RGS20: variants seen among roughly 807,000 people sequenced by gnomAD.
The protein encoded by RGS20 is regulator of G protein signaling 20.
Under a neutral mutation model 33.6 loss-of-function variants are expected in RGS20, and 30 were observed. The observed-to-expected ratio is 0.89, with a 90% confidence interval of 0.67 to 1.21. The LOEUF (loss-of-function observed/expected upper bound fraction) is 1.21. Among genes scored for constraint, RGS20 ranks in the 50% most tolerant of loss-of-function variants. The probability of loss-of-function intolerance (pLI) is 0.00; values close to 1 mark genes in which losing one functional copy is unlikely to be tolerated. For synonymous variants in RGS20, 208 were observed against 197.9 expected (o/e 1.05, Z -0.43); for missense variants, 472 against 502.4 (o/e 0.94, Z 0.58).
At chr8:53,928,410 G>A (rs1813861876) in intron 2 of RGS20, among the ~76,000 whole-genome samples, 1 of 152,118 alleles carries the variant, frequency 6.6e-6, no homozygotes, top group Non-Finnish European at 1.5e-5. Flanking sequence ...TCCAGGAATA[G>A]CATGTATTTC....
chr8:53,909,751 G>A (rs1813304013), intron 2 of RGS20, among the ~76,000 whole-genome samples: 1 of 152,178 alleles, frequency 6.6e-6, no homozygotes, highest in East Asian at 1.9e-4. Context: ...CAGTGGGAAG[G>A]AATTGTTGTG....
In RGS20 at chr8:53,944,641, C is replaced by T. The variant is rs16919697; in HGVS notation, c.660-2024C>T. Among the ~76,000 whole-genome samples, 549 of 151,486 alleles carry T rather than the reference C, an allele frequency of 3.6e-3. 3 individuals are homozygous for T. Among genetic ancestry groups the T allele is most frequent in the African/African-American group, 0.013 (531 of 41,292 alleles). On this transcript the variant is annotated intron_variant, in intron 3 of 5. Transcript: ENST00000297313. ...ATTCTTCCTATTTGCAGATGAAACCCGAAGAGAATTATAGCTATAACTGAT... is the reference window on the plus strand; with the variant it reads ...ATTCTTCCTATTTGCAGATGAAACCTGAAGAGAATTATAGCTATAACTGAT...
chr8:53,891,094 A>G (rs1812698124), intron 2 of RGS20, among the ~76,000 whole-genome samples: 1 of 152,134 alleles, frequency 6.6e-6, no homozygotes, highest in Non-Finnish European at 1.5e-5. Context: ...CTTGTTACTG[A>G]AGGGGACTTG....
chr8:53,891,167 C>T (rs1340255874), intron 2 of RGS20, among the ~76,000 whole-genome samples: 1 of 151,914 alleles, frequency 6.6e-6, no homozygotes, highest in African/African-American at 2.4e-5. Flanking sequence ...CAGCAAAAGC[C>T]CTCAGGAAAA....
intron 5 of RGS20, among the ~76,000 whole-genome samples, chr8:53,955,446 C>T (rs1254365114): frequency 6.6e-6 from 1 of 152,118 alleles, no homozygotes; most frequent in East Asian, 1.9e-4. Flanking sequence ...AGGTTTTCCC[C>T]AGGCTGGCTT....
intron 3 of RGS20, among the ~76,000 whole-genome samples, chr8:53,940,039 C>G (rs16919683): frequency 2.6e-5 from 4 of 151,956 alleles, no homozygotes; most frequent in African/African-American, 9.7e-5. Context: ...GAATTGGACT[C>G]GAGGCACTCC....
rs144929441 is a variant in RGS20, at chr8:53,945,844, G to A, written c.660-821G>A. ...CTTGGTTGCAGTGAGCTGAGATTGC[G>A]CCACAGCACTGCAGCCTGGGCAGCA... On this transcript the variant is annotated intron_variant, in intron 3 of 5. Transcript: ENST00000297313. 5.8e-3 allele frequency among the ~76,000 whole-genome samples: 870 copies of A among 151,288 alleles called. 6 individuals are homozygous for A. The highest frequency in any genetic ancestry group is 0.019 in the African/African-American group (782 of 41,188).
At chr8:53,947,192 TACACGC>T (rs780893366) in intron 4 of RGS20, among the ~76,000 whole-genome samples, 19 of 145,826 alleles carry the variant, frequency 1.3e-4, no homozygotes, top group Admixed American at 7.7e-4. Flanking sequence ...AGCATATTTA[TACACGC>T]TATATAAGAT....
chr8:53,919,283 C>CA (rs1813579284), intron 2 of RGS20, among the ~76,000 whole-genome samples: 1 of 151,846 alleles, frequency 6.6e-6, no homozygotes, highest in Admixed American at 6.6e-5. Flanking sequence ...ATCCTGGATA[C>CA]AAGTCTCTTA....
In RGS20 at chr8:53,921,388, G is replaced by C. The variant is rs535091395; in HGVS notation, c.511-18188G>C. Among the ~76,000 whole-genome samples the C allele has an allele frequency of 4.7e-5, 7 of 150,190 alleles. No homozygotes were observed. The South Asian group carries it at 1.1e-3, about 23-fold the overall frequency. On this transcript the variant is annotated intron_variant, in intron 2 of 5. Transcript: ENST00000297313. ...AACTGGTAGTCCTTCTTTACTAAAT[G>C]TTTGGTAGAATTCACCGGTGAAACC... is the stretch of plus-strand genomic sequence containing the variant.
intron 3 of RGS20, among the ~76,000 whole-genome samples, chr8:53,942,845 A>AAAAT (rs1456954310): frequency 7.5e-6 from 1 of 134,020 alleles, no homozygotes; most frequent in Non-Finnish European, 1.6e-5. Flanking sequence ...AAAAAAAAAA[A>AAAAT]GTTAGCCCGG....
At chr8:53,890,783 A>G (rs1331311837) in intron 2 of RGS20, among the ~76,000 whole-genome samples, 3 of 152,184 alleles carry the variant, frequency 2.0e-5, no homozygotes, top group Non-Finnish European at 4.4e-5. Context: ...GCACTTGCCA[A>G]TTCACCTGAC....
At chr8:53,907,391 C>T (rs1297476685) in intron 2 of RGS20, among the ~76,000 whole-genome samples, 1 of 152,016 alleles carries the variant, frequency 6.6e-6, no homozygotes, top group Admixed American at 6.6e-5. Context: ...TCAAGACCAG[C>T]CTGGCCAACA....
intron 2 of RGS20, among the ~76,000 whole-genome samples, chr8:53,921,131 A>G (rs574479583): frequency 1.3e-4 from 20 of 152,052 alleles, no homozygotes; most frequent in Non-Finnish European, 2.8e-4. Context: ...TTTATTTTTT[A>G]TGTTAAACTA....
chr8:53,947,168 T>TATATAAGATATAGCATATTTATACACG lies in RGS20; in HGVS notation c.743+420_743+421insATATAAGATATAGCATATTTATACACG, dbSNP rs1415192540. 8.6e-4 allele frequency among the ~76,000 whole-genome samples: 124 copies of TATATAAGATATAGCATATTTATACACG among 144,082 alleles called. 2 individuals carry two copies. The highest frequency in any genetic ancestry group is 2.5e-3 in the African/African-American group (98 of 39,556). 94.5% of individuals were successfully genotyped at this position (144,082 alleles called of 152,430 possible). The stretch of plus-strand genomic sequence containing the variant: ...TGATATAGTATATATATTTATACAC[T>TATATAAGATATAGCATATTTATACACG]CTATATAAGATATAGCATATTTATA... On this transcript the variant is annotated intron_variant, in intron 4 of 5. Coordinates refer to ENST00000297313, the MANE Select transcript of RGS20 (RefSeq NM_170587.4).
In RGS20 at chr8:53,877,273, C is replaced by T. The variant is rs1174612619; in HGVS notation, c.166-1985C>T. Among the ~76,000 whole-genome samples the T allele has an allele frequency of 2.0e-5, 3 of 152,190 alleles. No homozygotes were observed. The highest frequency in any genetic ancestry group is 7.2e-5 in the African/African-American group (3 of 41,456). ...GGCTGGTCCTCTCTCGACTTCTTAG[C>T]GTGGGGTCCCGCCGGCCCTGCCGCC... On this transcript the variant is annotated intron_variant, in intron 1 of 5. Transcript: ENST00000297313. This position sits in a 1 kb window ranked among gnomAD's most constrained non-coding sequence, Gnocchi z 5.7.
rs75595022 is a variant in RGS20 at position 53,922,926 on chromosome 8, G to T, written c.511-16650G>T. Among the ~76,000 whole-genome samples, 161 of 152,270 alleles carry T rather than the reference G, an allele frequency of 1.1e-3. 2 individuals carry two copies. In the East Asian group the frequency reaches 0.015, roughly 14 times the overall value. ...GCCTCCTTCCTTGACCTCCCAAAGTGCTGGGATTACAGGCATGAGAAAATG... is the reference window on the plus strand; with the variant it reads ...GCCTCCTTCCTTGACCTCCCAAAGTTCTGGGATTACAGGCATGAGAAAATG... On this transcript the variant is annotated intron_variant, in intron 2 of 5. Coordinates refer to ENST00000297313, the MANE Select transcript of RGS20 (RefSeq NM_170587.4).
At chr8:53,942,496 T>C (rs1753834038) in intron 3 of RGS20, among the ~76,000 whole-genome samples, 1 of 151,376 alleles carries the variant, frequency 6.6e-6, no homozygotes, top group African/African-American at 2.4e-5. Flanking sequence ...GAAAAACCTA[T>C]ACCCTGGAAA....
At chr8:53,917,139 T>TTTTTG (rs61137799) in intron 2 of RGS20, among the ~76,000 whole-genome samples, 7,095 of 151,860 alleles carry the variant, frequency 0.047, 434 homozygotes, top group African/African-American at 0.14. Flanking sequence ...TTTGGTTGGT[T>TTTTTG]TTTTGTTTTG....
Sources: allele counts gnomAD v4.1 joint callset (sites outside exome capture counted in the v4.1 genomes callset), GRCh38; gene constraint gnomAD v4.1.1; non-coding constraint Gnocchi (gnomAD v3.1); transcripts MANE v1.5; gene names NCBI Gene and HGNC (gene_info 2026-07-23, HGNC 2026-07-21).